Variants in ALLC observed in about 807,000 individuals in gnomAD.
ALLC encodes the protein allantoicase.
Under a neutral mutation model 45.0 loss-of-function variants are expected in ALLC, and 40 were observed. That is an observed-to-expected ratio of 0.89 (90% confidence interval 0.69 to 1.16). ALLC has a LOEUF of 1.16. ALLC is among the 50% of genes most tolerant of loss of function. ALLC has a pLI of 0.00. For synonymous variants in ALLC, 176 were observed against 178.1 expected, an observed-to-expected ratio of 0.99 and a Z score of 0.09; for missense variants, 488 against 493.1, an observed-to-expected ratio of 0.99 and a Z score of 0.10.
At chr2:3,655,551 G>A (rs928376069), upstream of ALLC, among the ~76,000 whole-genome samples, 10 of 152,204 alleles carry the variant, frequency 6.6e-5, no homozygotes, top group African/African-American at 2.4e-4. Context: ...GAACTGCTGG[G>A]CTCAAGCGAT....
Position 3,681,584 on chromosome 2 carries a change from C to T in ALLC, c.299-50C>T, listed in dbSNP as rs191206816. On this transcript the variant is annotated intron_variant, in intron 5 of 11. Transcript: ENST00000252505. ...ACAAACCACCAAGAGAGTAGATTCC[C>T]TTTGATTTTGAACCCTAATCTTAAT... 7.6e-5 allele frequency: 104 copies of T among 1,371,222 alleles called. 1 individual carries two copies. In the East Asian group the frequency reaches 2.5e-3, roughly 33 times the overall value. The allele number at this position is 1,371,222 out of a possible 1,614,324, so 84.9% of individuals were successfully genotyped here.
At chr2:3,650,419 C>T in the ALLC span, among the ~76,000 whole-genome samples, 1 of 152,192 alleles carries the variant, frequency 6.6e-6, no homozygotes, top group African/African-American at 2.4e-5. Flanking sequence ...AGGACTGATG[C>T]TGAGCGCTGT....
upstream of ALLC, among the ~76,000 whole-genome samples, chr2:3,653,427 G>C (rs945637246): frequency 1.3e-5 from 2 of 152,210 alleles, no homozygotes; most frequent in Non-Finnish European, 2.9e-5. The surrounding 1 kb of genome is among the most constrained non-coding windows in gnomAD (Gnocchi z 4.1). Flanking sequence ...CCAGGTGACC[G>C]GCAAGGACTG....
upstream of ALLC, among the ~76,000 whole-genome samples, chr2:3,656,867 T>G (rs1004114445): frequency 1.4e-5 from 2 of 144,726 alleles, no homozygotes; most frequent in Non-Finnish European, 3.0e-5. Flanking sequence ...GGGTGCCTTC[T>G]TCCATGGCTT....
chr2:3,651,840 TAGGCCTGAAAC>T, the ALLC span, among the ~76,000 whole-genome samples: 1 of 152,092 alleles, frequency 6.6e-6, no homozygotes, highest in African/African-American at 2.4e-5. Flanking sequence ...GCTCCTCCCT[TAGGCCTGAAAC>T]TGCTCTCGCG....
intron 8 of ALLC, 67 bp from the exon 9 acceptor site, chr2:3,696,208 C>T (rs1667666565): frequency 7.9e-7 from 1 of 1,269,146 alleles, no homozygotes; most frequent in Non-Finnish European, 1.1e-6. Flanking sequence ...AATTTAATTA[C>T]AGCAATGTAT....
At chr2:3,697,621 G>GTCTGTCTGTCTGTCTGTCTATCTA (rs1354630765) in intron 10 of ALLC, among the ~76,000 whole-genome samples, 165 bp downstream of exon 10, 127 of 125,436 alleles carry the variant, frequency 1.0e-3, no homozygotes, top group African/African-American at 3.3e-3. Flanking sequence ...CTGTCTGTCT[G>GTCTGTCTGTCTGTCTGTCTATCTA]TCTATCTATC....
chr2:3,671,366 A>G (rs1164581772), intron 2 of ALLC, among the ~76,000 whole-genome samples, 176 bp downstream of exon 2: 4 of 152,264 alleles, frequency 2.6e-5, no homozygotes, highest in Admixed American at 2.6e-4. Flanking sequence ...AATTGGTGAC[A>G]ATTCTCAGCA....
At chr2:3,700,368 G>T (rs1022630335) in intron 10 of ALLC, among the ~76,000 whole-genome samples, 3 of 152,110 alleles carry the variant, frequency 2.0e-5, no homozygotes, top group Non-Finnish European at 4.4e-5. Context: ...GGCAGTTCTG[G>T]ATTTTCTTGT....
chr2:3,671,225 A>G (rs747665598), intron 2 of ALLC, 35 bp downstream of exon 2: 1 of 1,600,458 alleles, frequency 6.2e-7, no homozygotes, highest in East Asian at 2.2e-5. Context: ...CAAGGGTTGA[A>G]GGCATCCGTG....
chr2:3,655,611 A>G (rs933488823), upstream of ALLC, among the ~76,000 whole-genome samples: 7 of 152,090 alleles, frequency 4.6e-5, no homozygotes, highest in Admixed American at 3.9e-4. Context: ...GTGTGTCATC[A>G]TGCTTGTCTA....
Position 3,672,926 on chromosome 2 carries a change from G to C in ALLC, c.34-1149G>C, listed in dbSNP as rs117495347. Among the ~76,000 whole-genome samples, 10 of 152,374 alleles carry C rather than the reference G, an allele frequency of 6.6e-5. No individual in the cohort carries two copies. The East Asian group carries it at 1.9e-3, about 29-fold the overall frequency. On this transcript the variant is annotated intron_variant, in intron 2 of 11. Transcript: ENST00000252505. ...GTCTGGTACAGAAAGGGAAGACCCT[G>C]TGCCTGCCCCCAGGAAGCTACACTC...
chr2:3,697,411 C>T lies in ALLC; in HGVS notation c.805C>T (p.Pro269Ser). ...ATGGGCAGTTTTCCGATTGGCACAT[C>T]CTGGAGTAATAACTCGAATTGAAAT... ...CEWAVFRLAH[P>S]GVITRIEIDT... Residue 269 changes from proline (P) to serine (S), a missense_variant, in exon 10 of 12, where the codon CCT becomes TCT. Transcript: ENST00000252505. 1.9e-6 allele frequency: 3 copies of T among 1,613,848 alleles called. No individual in the cohort carries two copies. The highest frequency in any genetic ancestry group is 2.5e-6 in the Non-Finnish European group (3 of 1,179,838).
At chr2:3,683,543 C>T (rs1331222775) in intron 7 of ALLC, among the ~76,000 whole-genome samples, 1 of 152,190 alleles carries the variant, frequency 6.6e-6, no homozygotes, top group African/African-American at 2.4e-5. Flanking sequence ...TATCCTTTAG[C>T]TATCATCCCT....
At chr2:3,648,896 GCCT>G in the ALLC span, among the ~76,000 whole-genome samples, 6 of 152,352 alleles carry the variant, frequency 3.9e-5, no homozygotes, top group East Asian at 1.2e-3. Context: ...TGATTTTCAT[GCCT>G]CCCACTGGGG....
chr2:3,682,681 A>T (rs900276022), intron 6 of ALLC, among the ~76,000 whole-genome samples: 1 of 151,954 alleles, frequency 6.6e-6, no homozygotes, highest in Non-Finnish European at 1.5e-5. Flanking sequence ...GCCCGCCACC[A>T]CGCCCGGCTA....
At chr2:3,646,759 C>CT in the ALLC span, among the ~76,000 whole-genome samples, 2 of 152,208 alleles carry the variant, frequency 1.3e-5, no homozygotes, top group African/African-American at 2.4e-5. Flanking sequence ...ACTCACCCCT[C>CT]TATCTGCTCA....
chr2:3,651,442 T>TGAGG, the ALLC span, among the ~76,000 whole-genome samples: 8 of 25,598 alleles, frequency 3.1e-4, 2 homozygotes, highest in South Asian at 1.6e-3. Context: ...TGTGTGTGTG[T>TGAGG]TAGGAAGGGA....
At position 3,681,569 on chromosome 2, in the gene ALLC, A is replaced by G. The variant is rs1294139578; in HGVS notation, c.299-65A>G. On this transcript the variant is annotated intron_variant, in intron 5 of 11. Transcript: ENST00000252505. ...AGCGAGAATTACCATACAAACCACC[A>G]AGAGAGTAGATTCCCTTTGATTTTG... The G allele has an allele frequency of 1.6e-5, 19 of 1,182,178 alleles. No individual in the cohort carries two copies. The East Asian group carries it at 4.8e-4, about 30-fold the overall frequency. The allele number at this position is 1,182,178 out of a possible 1,614,324, so 73.2% of individuals were successfully genotyped here.
Sources: gnomAD v4.1 joint callset for allele counts (sites outside exome capture counted in the v4.1 genomes callset) on GRCh38, gnomAD v4.1.1 for gene constraint, Gnocchi (gnomAD v3.1) non-coding constraint, MANE v1.5 for transcripts, NCBI Gene and HGNC (gene_info 2026-07-23, HGNC 2026-07-21) for gene names.